Variants in SYNPO2 observed in about 807,000 individuals in gnomAD.
The protein encoded by SYNPO2 is synaptopodin-2.
Under a neutral mutation model 85.0 loss-of-function variants are expected in SYNPO2, and 56 were observed. The ratio of observed to expected loss-of-function variants is 0.66; its 90% confidence interval spans 0.53 to 0.82. The LOEUF is 0.82. Ranked by LOEUF, SYNPO2 falls within the 40% of genes least tolerant of loss-of-function variation. The probability of loss-of-function intolerance (pLI) is 0.00; values close to 1 mark genes in which losing one functional copy is unlikely to be tolerated. For missense variants in SYNPO2, 1,575 were observed against 1,534.2 expected (o/e 1.03, Z -0.44); for synonymous variants, 602 against 591.1 (o/e 1.02, Z -0.27).
At chr4:119,057,276 T>A in intron 4 of SYNPO2, 125 bp from the exon 5 acceptor site, 1 of 1,077,878 alleles carries the variant, frequency 9.3e-7, no homozygotes, top group Non-Finnish European at 1.2e-6. Context: ...TTCTGGGGGG[T>A]TAATTTATTT....
chr4:119,056,045 T>C (rs1739195267), intron 4 of SYNPO2, among the ~76,000 whole-genome samples: 1 of 152,204 alleles, frequency 6.6e-6, no homozygotes, highest in South Asian at 2.1e-4. Context: ...CATGGTAATG[T>C]TTTTTGTTAG....
upstream of SYNPO2, among the ~76,000 whole-genome samples, chr4:118,886,657 A>G (rs1487025598): frequency 6.6e-5 from 10 of 152,144 alleles, no homozygotes; most frequent in East Asian, 3.8e-4. Context: ...TCTATCACTG[A>G]TGGACATTTG....
intron 1 of SYNPO2, among the ~76,000 whole-genome samples, chr4:118,914,949 T>C (rs1259675551): frequency 6.6e-6 from 1 of 151,652 alleles, no homozygotes; most frequent in African/African-American, 2.4e-5. Context: ...TTTATATACT[T>C]CATTTTGATA....
chr4:118,882,457 G>A (rs548013627), intron 1 of SYNPO2, among the ~76,000 whole-genome samples: 1 of 152,148 alleles, frequency 6.6e-6, no homozygotes, highest in East Asian at 1.9e-4. Context: ...ACATAAAATA[G>A]CAAAACTATA....
chr4:119,028,221 T>A (rs1738057572), intron 3 of SYNPO2, among the ~76,000 whole-genome samples: 1 of 109,586 alleles, frequency 9.1e-6, no homozygotes, highest in South Asian at 3.6e-4. Flanking sequence ...TATTTTTGTT[T>A]GTTTTTTTTT....
rs150213496 is a variant in SYNPO2, at chr4:119,027,351, G to A, written c.982G>A (p.Val328Ile). Residue 328 changes from valine to isoleucine, a missense_variant, in exon 3 of 5, where the codon GTC becomes ATC. By Grantham distance (29) the Val-to-Ile change is conservative. Transcript: ENST00000307142. Reference protein sequence around the residue: ...EAPPSLVSFAVSSEGTEQGED... With the variant: ...EAPPSLVSFAISSEGTEQGED... ...ACCTCCTTCTCTGGTATCCTTTGCC[G>A]TCTCATCAGAAGGCACAGAGCAGGG... 2.1e-4 allele frequency: 336 copies of A among 1,613,946 alleles called. 1 individual carries two copies. In the African/African-American group the frequency reaches 4.0e-3, roughly 19 times the overall value.
chr4:118,976,551 C>T (rs1032308216), intron 1 of SYNPO2, among the ~76,000 whole-genome samples: 12 of 152,106 alleles, frequency 7.9e-5, no homozygotes, highest in East Asian at 7.7e-4. Flanking sequence ...TTGGTAGAGC[C>T]GAGTGGCCTG....
chr4:119,042,040 A>G (rs1031138277), intron 4 of SYNPO2: 49 of 152,364 alleles, frequency 3.2e-4, no homozygotes, highest in African/African-American at 1.1e-3. Context: ...AGGGACAGCC[A>G]GACTTGTAAA....
intron 1 of SYNPO2, among the ~76,000 whole-genome samples, chr4:118,876,670 T>TTTCC (rs1731920437): frequency 1.2e-3 from 2 of 1,706 alleles, no homozygotes; most frequent in South Asian, 0.056. Context: ...TTCCTTTCTC[T>TTTCC]TTCTTTCTTT....
chr4:119,050,267 G>T (rs892589358), intron 4 of SYNPO2, among the ~76,000 whole-genome samples: 1 of 152,026 alleles, frequency 6.6e-6, no homozygotes, highest in East Asian at 1.9e-4. Flanking sequence ...GGGAGGCAGA[G>T]GTTGCAGTGA....
chr4:118,960,357 T>C (rs1305695567), intron 1 of SYNPO2, among the ~76,000 whole-genome samples: 1 of 152,102 alleles, frequency 6.6e-6, no homozygotes, highest in African/African-American at 2.4e-5. Context: ...TACATACATA[T>C]CAGAATTGCT....
At chr4:119,055,313 T>G (rs1178233585) in intron 4 of SYNPO2, among the ~76,000 whole-genome samples, 1 of 151,962 alleles carries the variant, frequency 6.6e-6, no homozygotes, top group Non-Finnish European at 1.5e-5. Context: ...CATCACACCT[T>G]GGAGAATTCT....
chr4:118,920,653 T>C (rs1476013374), intron 1 of SYNPO2, among the ~76,000 whole-genome samples: 1 of 152,200 alleles, frequency 6.6e-6, no homozygotes, highest in Non-Finnish European at 1.5e-5. Flanking sequence ...AGTTTGAGTG[T>C]AATGTAAGAA....
intron 4 of SYNPO2, among the ~76,000 whole-genome samples, chr4:119,046,926 G>A (rs1738888166): frequency 6.6e-6 from 1 of 152,204 alleles, no homozygotes; most frequent in African/African-American, 2.4e-5. Flanking sequence ...TGTTTTGGAA[G>A]AGAAAATTTA....
At chr4:118,876,671 T>TCCTTCCTTTC (rs1731920678) in intron 1 of SYNPO2, among the ~76,000 whole-genome samples, 5 of 2,076 alleles carry the variant, frequency 2.4e-3, no homozygotes, top group African/African-American at 7.2e-3. Context: ...TCCTTTCTCT[T>TCCTTCCTTTC]TCTTTCTTTC....
In SYNPO2 at chr4:119,023,558, C is replaced by T. The variant is rs745316693; in HGVS notation, c.234C>T (p.Asp78=). 2.5e-6 allele frequency: 4 copies of T among 1,613,382 alleles called. No individual in the cohort carries two copies. Among genetic ancestry groups the T allele is most frequent in the African/African-American group, 2.7e-5 (2 of 75,006 alleles). The change falls in exon 2 of 5, where the codon GAC becomes GAT. Residue 78 remains aspartate (D), a synonymous_variant. Coordinates refer to ENST00000307142, the MANE Select transcript of SYNPO2 (RefSeq NM_133477.3). ...TCAAGCTCATGGAAAGCATAACAGA[C>T]TCTCTCCAAATGCTCATCAAAAGGT... The part of the protein sequence containing the change: ...EVIKLMESIT[D]SLQMLIKRPS...
At chr4:118,948,620 G>A (rs1204135463) in intron 1 of SYNPO2, among the ~76,000 whole-genome samples, 2 of 152,228 alleles carry the variant, frequency 1.3e-5, no homozygotes, top group South Asian at 2.1e-4. Context: ...TTTCAAACAC[G>A]GTGGAAGGGG....
intron 1 of SYNPO2, among the ~76,000 whole-genome samples, chr4:118,956,184 A>T: frequency 6.6e-6 from 1 of 152,162 alleles, no homozygotes; most frequent in East Asian, 1.9e-4. Context: ...CATCATCATA[A>T]ATAAGAACTG....
At chr4:118,974,697 CTA>C (rs1011713971) in intron 1 of SYNPO2, among the ~76,000 whole-genome samples, 4 of 152,116 alleles carry the variant, frequency 2.6e-5, no homozygotes, top group Admixed American at 6.6e-5. Context: ...GATTCTTTCC[CTA>C]TGTTTCTTTC....
Sources: allele counts gnomAD v4.1 joint callset (sites outside exome capture counted in the v4.1 genomes callset), GRCh38; gene constraint gnomAD v4.1.1; transcripts MANE v1.5; gene names NCBI Gene and HGNC (gene_info 2026-07-23, HGNC 2026-07-21).